Variants in PARD3B observed in about 807,000 individuals in gnomAD.
PARD3B encodes the protein par-3 family cell polarity regulator beta, also known as partitioning defective 3 homolog B.
Under a neutral mutation model 130.2 loss-of-function variants are expected in PARD3B, and 103 were observed. The ratio of observed to expected loss-of-function variants is 0.79; its 90% confidence interval spans 0.67 to 0.93. The LOEUF is 0.93. Ranked by LOEUF, PARD3B falls within the 40% of genes least tolerant of loss-of-function variation. The probability of loss-of-function intolerance (pLI) is 0.00; values close to 1 mark genes in which losing one functional copy is unlikely to be tolerated. For missense variants in PARD3B, 1,609 were observed against 1,499.2 expected (o/e 1.07, Z -1.21); for synonymous variants, 583 against 553.2 (o/e 1.05, Z -0.76).
At chr2:204,811,769 T>C (rs2042969447) in intron 2 of PARD3B, among the ~76,000 whole-genome samples, 1 of 152,094 alleles carries the variant, frequency 6.6e-6, no homozygotes, top group Non-Finnish European at 1.5e-5. Context: ...CTTTAGCAGG[T>C]TGGGGAAATT....
chr2:205,060,048 G>A (rs1176700730), intron 4 of PARD3B, among the ~76,000 whole-genome samples: 1 of 152,058 alleles, frequency 6.6e-6, no homozygotes, highest in East Asian at 1.9e-4. Flanking sequence ...GAACTAACAA[G>A]TAGCAGTGCT....
At chr2:205,036,985 A>G (rs935086635) in intron 3 of PARD3B, among the ~76,000 whole-genome samples, 1 of 150,102 alleles carries the variant, frequency 6.7e-6, no homozygotes, top group African/African-American at 2.4e-5. Flanking sequence ...TATATAAAAA[A>G]CATATATAGC....
intron 19 of PARD3B, among the ~76,000 whole-genome samples, chr2:205,409,954 T>C (rs1162704276): frequency 4.6e-5 from 7 of 152,186 alleles, no homozygotes; most frequent in Non-Finnish European, 7.4e-5. Context: ...ATAAACGTAT[T>C]AAATACAGAA....
In PARD3B at chr2:205,575,113, A is replaced by G. The variant is rs11679559; in HGVS notation, c.3260+21710A>G. Among the ~76,000 whole-genome samples the G allele has an allele frequency of 3.9e-3, 491 of 126,342 alleles. 1 individual carries two copies. Among genetic ancestry groups the G allele is most frequent in the East Asian group, 7.7e-3 (22 of 2,866 alleles). 82.9% of individuals were successfully genotyped at this position (126,342 alleles called of 152,430 possible). Reference sequence around the variant, plus strand: ...CACACACACACACACACACACACACACGCGTACACTATATATAAAAATATA... The same window carrying G: ...CACACACACACACACACACACACACGCGCGTACACTATATATAAAAATATA... On this transcript the variant is annotated intron_variant, in intron 22 of 22. Transcript: ENST00000406610. This position sits in a 1 kb window ranked among gnomAD's most constrained non-coding sequence, Gnocchi z 4.6.
chr2:204,703,807 T>C (rs1289272998), intron 2 of PARD3B, among the ~76,000 whole-genome samples: 1 of 152,190 alleles, frequency 6.6e-6, no homozygotes, highest in Non-Finnish European at 1.5e-5. Flanking sequence ...TATGTTATTG[T>C]ATAATTTATA....
chr2:204,603,272 A>G (rs906926497), intron 1 of PARD3B, among the ~76,000 whole-genome samples: 2 of 151,964 alleles, frequency 1.3e-5, no homozygotes, highest in African/African-American at 4.8e-5. Context: ...AATTTTCTTA[A>G]TTTTTCTGGA....
chr2:205,383,122 AG>A, intron 18 of PARD3B, among the ~76,000 whole-genome samples: 1 of 150,640 alleles, frequency 6.6e-6, no homozygotes, highest in African/African-American at 2.4e-5. Flanking sequence ...ATAGATAGAT[AG>A]ATAGATAGAT....
intron 19 of PARD3B, among the ~76,000 whole-genome samples, chr2:205,413,064 A>C (rs1040295708): frequency 6.6e-6 from 1 of 152,218 alleles, no homozygotes; most frequent in African/African-American, 2.4e-5. Flanking sequence ...AATGAACATG[A>C]GTATCAAACT....
At chr2:205,569,911 G>A (rs775561078) in intron 22 of PARD3B, among the ~76,000 whole-genome samples, 10 of 152,128 alleles carry the variant, frequency 6.6e-5, no homozygotes, top group Non-Finnish European at 1.3e-4. Flanking sequence ...AGGCATGCCT[G>A]TTGAACTGAC....
At chr2:205,290,637 A>C (rs1264303114) in intron 16 of PARD3B, among the ~76,000 whole-genome samples, 1 of 152,190 alleles carries the variant, frequency 6.6e-6, no homozygotes, top group Non-Finnish European at 1.5e-5. Context: ...TCAAAGAGAT[A>C]GCCATTTCAT....
chr2:205,185,879 T>C lies in PARD3B; in HGVS notation c.2024+16T>C. Reference sequence around the variant, plus strand: ...ACAGCCACAGGTATTGATAAAATGATGTATCGTAAATGCTCCTTGTTATTG... The same window carrying C: ...ACAGCCACAGGTATTGATAAAATGACGTATCGTAAATGCTCCTTGTTATTG... On this transcript the variant is annotated intron_variant, in intron 14 of 22. Transcript: ENST00000406610. The C allele has an allele frequency of 1.3e-6, 2 of 1,594,776 alleles. No homozygotes were observed. The highest frequency in any genetic ancestry group is 1.7e-6 in the Non-Finnish European group (2 of 1,162,354).
chr2:204,958,619 G>A (rs913721538), intron 2 of PARD3B, among the ~76,000 whole-genome samples: 1 of 152,144 alleles, frequency 6.6e-6, no homozygotes, highest in African/African-American at 2.4e-5. Flanking sequence ...AGTCAAGTGG[G>A]ACTCAGTCTG....
intron 18 of PARD3B, among the ~76,000 whole-genome samples, chr2:205,315,328 C>G (rs10932102): frequency 0.63 from 95,933 of 151,904 alleles, 31,435 homozygotes; most frequent in Admixed American, 0.76. Flanking sequence ...TAGAGTGGCC[C>G]CGAGACTAAA....
At chr2:204,842,756 T>C (rs2044304427) in intron 2 of PARD3B, among the ~76,000 whole-genome samples, 1 of 152,164 alleles carries the variant, frequency 6.6e-6, no homozygotes, top group Non-Finnish European at 1.5e-5. Context: ...TGACTTCTGA[T>C]GAAGAAAATC....
At chr2:204,988,229 T>C (rs1453460057) in intron 3 of PARD3B, among the ~76,000 whole-genome samples, 2 of 152,178 alleles carry the variant, frequency 1.3e-5, no homozygotes, top group East Asian at 3.9e-4. Flanking sequence ...TTTGGAAATA[T>C]TGAAATCCTA....
At chr2:205,004,690 C>T (rs1222942191) in intron 3 of PARD3B, among the ~76,000 whole-genome samples, 1 of 152,156 alleles carries the variant, frequency 6.6e-6, no homozygotes, top group Non-Finnish European at 1.5e-5. Flanking sequence ...AATTAAGATA[C>T]ATGGGGCAAA....
At chr2:205,262,932 G>A (rs1262569518) in intron 16 of PARD3B, among the ~76,000 whole-genome samples, 3 of 152,062 alleles carry the variant, frequency 2.0e-5, no homozygotes, top group Admixed American at 1.3e-4. Context: ...TCATTTCAGA[G>A]TATATCAGCC....
chr2:205,168,198 G>C (rs2034924516), intron 11 of PARD3B, among the ~76,000 whole-genome samples: 2 of 151,928 alleles, frequency 1.3e-5, no homozygotes, highest in Non-Finnish European at 2.9e-5. Context: ...AGTTGGTTAT[G>C]GGGGGATGCC....
chr2:204,598,569 G>A (rs1480063193), intron 1 of PARD3B, among the ~76,000 whole-genome samples: 3 of 151,942 alleles, frequency 2.0e-5, no homozygotes, highest in Non-Finnish European at 4.4e-5. Context: ...ATTTATAAAA[G>A]ATTAGAACAA....
Sources: gnomAD v4.1 joint callset for allele counts (sites outside exome capture counted in the v4.1 genomes callset) on GRCh38, gnomAD v4.1.1 for gene constraint, Gnocchi (gnomAD v3.1) non-coding constraint, MANE v1.5 for transcripts, NCBI Gene and HGNC (gene_info 2026-07-23, HGNC 2026-07-21) for gene names.